Variants in TBC1D19 observed in about 807,000 individuals in gnomAD.
The protein encoded by TBC1D19 is TBC1 domain family member 19.
A neutral mutation model predicts 89.0 loss-of-function variants in TBC1D19; 60 were observed. The ratio of observed to expected loss-of-function variants is 0.67; its 90% CI spans 0.55 to 0.84. The LOEUF (loss-of-function observed/expected upper bound fraction) is 0.84. Ranked by LOEUF, TBC1D19 falls within the 40% of genes least tolerant of loss-of-function variation. The pLI is 0.00. For missense variants in TBC1D19, 500 were observed against 610.8 expected (o/e 0.82, Z 1.91); for synonymous variants, 189 against 199.7 (o/e 0.95, Z 0.45).
At chr4:26,814,490 A>G in the TBC1D19 span, among the ~76,000 whole-genome samples, 3 of 152,252 alleles carry the variant, frequency 2.0e-5, no homozygotes, top group African/African-American at 7.2e-5. Flanking sequence ...ACGTGGCTAC[A>G]GATGACTAGA....
At chr4:26,586,170 G>GTTT (rs1560396710) in intron 1 of TBC1D19, among the ~76,000 whole-genome samples, 1 of 135,150 alleles carries the variant, frequency 7.4e-6, no homozygotes, top group Non-Finnish European at 1.5e-5. Context: ...TGCAAGGTAA[G>GTTT]CTTTTTTTTT....
At chr4:26,801,075 C>T in the TBC1D19 span, among the ~76,000 whole-genome samples, 1 of 152,050 alleles carries the variant, frequency 6.6e-6, no homozygotes, top group Non-Finnish European at 1.5e-5. Flanking sequence ...GACATGAAGC[C>T]CTTGCCCATG....
chr4:26,642,672 A>G (rs556012725), intron 7 of TBC1D19, among the ~76,000 whole-genome samples: 18 of 152,344 alleles, frequency 1.2e-4, no homozygotes, highest in African/African-American at 3.4e-4. Context: ...AGTGTGCTGT[A>G]TTCAGGAGAC....
At chr4:26,654,524 A>T (rs1040164352) in intron 7 of TBC1D19, among the ~76,000 whole-genome samples, 1 of 152,080 alleles carries the variant, frequency 6.6e-6, no homozygotes, top group African/African-American at 2.4e-5. Flanking sequence ...TCAGACACAG[A>T]TTTGGTCTTT....
chr4:26,798,585 G>C, the TBC1D19 span, among the ~76,000 whole-genome samples: 19 of 151,974 alleles, frequency 1.3e-4, no homozygotes, highest in Non-Finnish European at 2.4e-4. Flanking sequence ...TTATAAAAAA[G>C]TCACCCGCAT....
intron 7 of TBC1D19, among the ~76,000 whole-genome samples, chr4:26,643,846 C>T (rs1641560): frequency 6.6e-6 from 1 of 152,054 alleles, no homozygotes; most frequent in African/African-American, 2.4e-5. Context: ...ATAAATTCCT[C>T]GACACATACG....
At chr4:26,730,534 G>A (rs1452250681) in intron 15 of TBC1D19, among the ~76,000 whole-genome samples, 1 of 152,154 alleles carries the variant, frequency 6.6e-6, no homozygotes, top group Non-Finnish European at 1.5e-5. Flanking sequence ...CCTACCATAA[G>A]TCAAAATATA....
intron 13 of TBC1D19, among the ~76,000 whole-genome samples, chr4:26,706,755 T>C (rs1035277322): frequency 1.3e-5 from 2 of 152,130 alleles, no homozygotes; most frequent in African/African-American, 4.8e-5. Context: ...TCTAAGTATT[T>C]CTAATTTCTC....
the TBC1D19 span, among the ~76,000 whole-genome samples, chr4:26,781,244 A>G: frequency 4.6e-5 from 7 of 152,120 alleles, no homozygotes; most frequent in Non-Finnish European, 1.0e-4. Flanking sequence ...GCTTTTATCA[A>G]ACCATTATTT....
At chr4:26,834,611 G>T in the TBC1D19 span, among the ~76,000 whole-genome samples, 46 of 152,244 alleles carry the variant, frequency 3.0e-4, 1 homozygote, top group East Asian at 7.3e-3. Context: ...GTGCAAAGAA[G>T]TGGAGATGGG....
chr4:26,717,133 T>C (rs1716679649), intron 13 of TBC1D19, among the ~76,000 whole-genome samples: 1 of 152,058 alleles, frequency 6.6e-6, no homozygotes, highest in Non-Finnish European at 1.5e-5. Context: ...GACACAAGGA[T>C]TTTTCCTCTC....
At chr4:26,803,113 C>T in the TBC1D19 span, among the ~76,000 whole-genome samples, 3 of 152,308 alleles carry the variant, frequency 2.0e-5, no homozygotes, top group African/African-American at 7.2e-5. Context: ...GAGGGGAACG[C>T]ATGCCATCCC....
intron 19 of TBC1D19, among the ~76,000 whole-genome samples, chr4:26,749,267 T>G (rs747075894): frequency 2.8e-4 from 42 of 152,252 alleles, no homozygotes; most frequent in Middle Eastern, 3.4e-3. Flanking sequence ...ACCAGGAAAT[T>G]CAAATAATAA....
chr4:26,612,973 G>C (rs1436214335), intron 1 of TBC1D19, among the ~76,000 whole-genome samples, 196 bp from the exon 2 acceptor site: 1 of 151,910 alleles, frequency 6.6e-6, no homozygotes, highest in Non-Finnish European at 1.5e-5. Flanking sequence ...TTAAGAGTTA[G>C]TGAGAAAGTC....
At position 26,638,115 on chromosome 4, in the gene TBC1D19, G is replaced by GTAGT. The variant is rs1743249602; in HGVS notation, c.370-656_370-655insTAGT. Among the ~76,000 whole-genome samples the GTAGT allele has an allele frequency of 5.5e-3, 833 of 150,570 alleles. 9 individuals carry two copies. Among genetic ancestry groups the GTAGT allele is most frequent in the African/African-American group, 0.02 (780 of 39,960 alleles). Reference sequence around the variant, plus strand: ...GTTACTCTGGGCATTGAGGAGAAAAGATGAGAAAGAAAAGAAAAAACACTT... The same window carrying GTAGT: ...GTTACTCTGGGCATTGAGGAGAAAAGTAGTATGAGAAAGAAAAGAAAAAACACTT... On this transcript the variant is annotated intron_variant, in intron 5 of 20. Coordinates refer to ENST00000264866, the MANE Select transcript of TBC1D19 (RefSeq NM_018317.4).
chr4:26,756,936 G>T (rs1280402519), downstream of TBC1D19, among the ~76,000 whole-genome samples: 2 of 152,000 alleles, frequency 1.3e-5, no homozygotes, highest in Non-Finnish European at 2.9e-5. Context: ...TGCTGCTTCC[G>T]CAGACCCCTC....
intron 4 of TBC1D19, among the ~76,000 whole-genome samples, chr4:26,632,443 ATATACT>A (rs1363710638): frequency 1.3e-5 from 2 of 151,866 alleles, no homozygotes; most frequent in Admixed American, 6.6e-5. Flanking sequence ...AGTAAGAAAA[ATATACT>A]TATTATTTAT....
intron 4 of TBC1D19, among the ~76,000 whole-genome samples, chr4:26,635,136 A>G (rs927807253): frequency 1.3e-5 from 2 of 152,160 alleles, no homozygotes; most frequent in African/African-American, 4.8e-5. Flanking sequence ...GATTTTTAAT[A>G]TGTATGCAAA....
intron 7 of TBC1D19, among the ~76,000 whole-genome samples, chr4:26,652,192 T>C (rs1057450618): frequency 2.0e-5 from 3 of 152,164 alleles, no homozygotes; most frequent in Admixed American, 2.0e-4. Context: ...GTTGTGTCTC[T>C]GCCAGGCTTT....
Sources: allele counts gnomAD v4.1 joint callset (sites outside exome capture counted in the v4.1 genomes callset), GRCh38; gene constraint gnomAD v4.1.1; transcripts MANE v1.5; gene names NCBI Gene and HGNC (gene_info 2026-07-23, HGNC 2026-07-21).